Variants in ZNF780A observed in about 807,000 individuals in gnomAD.
ZNF780A encodes the protein zinc finger protein 780A.
A neutral mutation model predicts 56.7 loss-of-function variants in ZNF780A; 40 were observed. That is an observed-to-expected ratio of 0.71 (90% CI 0.55 to 0.92). ZNF780A has a LOEUF of 0.92. ZNF780A is among the 40% of genes least tolerant of loss of function. ZNF780A has a pLI of 0.00. For synonymous variants in ZNF780A, 231 were observed against 248.3 expected (o/e 0.93, Z 0.66); for missense variants, 672 against 783.3 (o/e 0.86, Z 1.70).
chr19:40,086,791 C>T (rs1335760255), intron 2 of ZNF780A, among the ~76,000 whole-genome samples: 1 of 152,100 alleles, frequency 6.6e-6, no homozygotes, highest in African/African-American at 2.4e-5. Context: ...CAACCTCAGC[C>T]TCCCAGGTTC....
At chr19:40,086,714 G>C (rs1974816763) in intron 2 of ZNF780A, among the ~76,000 whole-genome samples, 2 of 151,696 alleles carry the variant, frequency 1.3e-5, no homozygotes, top group African/African-American at 2.4e-5. Context: ...TTTCTTTTTG[G>C]GGGGCAGGGG....
In ZNF780A at chr19:40,081,829, T is replaced by C. The variant is rs755471566; in HGVS notation, c.222A>G (p.Arg74=). ...PWMVVRKETS[R]RYPDLELKYG... Reference sequence around the variant, plus strand: ...TTTACCCTCACTTACCTGGATACCGTCTGCTTGTTTCTTTCCTTACAACCA... The same window carrying C: ...TTTACCCTCACTTACCTGGATACCGCCTGCTTGTTTCTTTCCTTACAACCA... The change falls in exon 5 of 6, where the codon AGA becomes AGG. Residue 74 remains arginine (R), a synonymous_variant. Transcript: ENST00000683561. 1.2e-6 allele frequency: 2 copies of C among 1,612,458 alleles called. No homozygotes were observed. Among genetic ancestry groups the C allele is most frequent in the Non-Finnish European group, 1.7e-6 (2 of 1,178,862 alleles).
downstream of ZNF780A, chr19:40,071,655 T>G (rs991080013): frequency 6.6e-6 from 1 of 152,268 alleles, no homozygotes; most frequent in Non-Finnish European, 1.5e-5. Flanking sequence ...AATGGACTTA[T>G]GGCGGTTACC....
At chr19:40,082,899 C>T (rs1226770648) in intron 4 of ZNF780A, among the ~76,000 whole-genome samples, 3 of 152,142 alleles carry the variant, frequency 2.0e-5, no homozygotes, top group African/African-American at 7.2e-5. Flanking sequence ...ACAGAGAGGA[C>T]CAGCGTAACG....
chr19:40,075,346 A>G lies in ZNF780A; in HGVS notation c.1096T>C (p.Cys366Arg). Residue 366 changes from cysteine (C) to arginine (R), a missense_variant, in exon 6 of 6, where the codon TGT becomes CGT. Physicochemically the swap from Cys to Arg is radical, Grantham distance 180. Coordinates refer to ENST00000683561, the MANE Select transcript of ZNF780A (RefSeq NM_001142578.2). ...TTGAGAAGACTAAAGGCCTTCCCAC[A>G]TTCCCTGCATTCAAAGGGTTTCTCA... The part of the protein sequence containing the change: ...TGEKPFECRE[C>R]GKAFSLLNQL... 10 of 1,614,080 alleles carry G rather than the reference A, an allele frequency of 6.2e-6. No individual in the cohort carries two copies. The highest frequency in any genetic ancestry group is 8.5e-6 in the Non-Finnish European group (10 of 1,180,004).
chr19:40,076,310 C>G, intron 5 of ZNF780A, 101 bp from the exon 6 acceptor site: 2 of 1,208,986 alleles, frequency 1.7e-6, no homozygotes, highest in Admixed American at 3.2e-5. Flanking sequence ...ACCAATAAAA[C>G]CTTTATTGAT....
chr19:40,086,659 CA>C (rs370131409), intron 2 of ZNF780A, among the ~76,000 whole-genome samples: 3 of 150,786 alleles, frequency 2.0e-5, no homozygotes, highest in African/African-American at 7.5e-5. Context: ...AATTCTTATA[CA>C]AAAACCCTAT....
At position 40,074,105 on chromosome 19, in the gene ZNF780A, T is replaced by A; in HGVS notation, c.*411A>T. On this transcript the variant is annotated 3_prime_UTR_variant, in exon 6 of 6. Coordinates refer to ENST00000683561, the MANE Select transcript of ZNF780A (RefSeq NM_001142578.2). ...TCCCACACTCCTTACATTCATAGAGTTTCTCACCAGTATGAATACTCTGAT... is the reference window on the plus strand; with the variant it reads ...TCCCACACTCCTTACATTCATAGAGATTCTCACCAGTATGAATACTCTGAT... The A allele has an allele frequency of 7.7e-7, 1 of 1,297,372 alleles. No individual in the cohort carries two copies. Among genetic ancestry groups the A allele is most frequent in the Non-Finnish European group, 1.0e-6 (1 of 1,001,844 alleles). The allele number at this position is 1,297,372 out of a possible 1,614,324, so 80.4% of individuals were successfully genotyped here. A position where few individuals can be genotyped will look rare whatever the true frequency, so the allele number is the denominator to read the frequency against.
chr19:40,078,521 G>C (rs184624901), intron 5 of ZNF780A, among the ~76,000 whole-genome samples: 37 of 152,206 alleles, frequency 2.4e-4, no homozygotes, highest in African/African-American at 8.7e-4. Flanking sequence ...CAAAGACAAA[G>C]AGAGAATACT....
intron 5 of ZNF780A, among the ~76,000 whole-genome samples, chr19:40,080,141 G>A (rs1030136282): frequency 6.6e-6 from 1 of 152,064 alleles, no homozygotes; most frequent in Non-Finnish European, 1.5e-5. Context: ...AATGAGTAAT[G>A]AGATTGAATT....
intron 2 of ZNF780A, among the ~76,000 whole-genome samples, chr19:40,087,435 C>A (rs1222752110): frequency 6.6e-6 from 1 of 152,190 alleles, no homozygotes; most frequent in Non-Finnish European, 1.5e-5. Context: ...AATGTTCTAT[C>A]TAGATCAATG....
At chr19:40,077,166 C>T (rs1375365052) in intron 5 of ZNF780A, among the ~76,000 whole-genome samples, 1 of 152,114 alleles carries the variant, frequency 6.6e-6, no homozygotes, top group Non-Finnish European at 1.5e-5. Context: ...ATCTGGACTG[C>T]CACTGCCACC....
intron 2 of ZNF780A, among the ~76,000 whole-genome samples, chr19:40,086,623 A>G (rs2144972206): frequency 6.6e-6 from 1 of 151,040 alleles, no homozygotes; most frequent in Admixed American, 6.5e-5. Context: ...ATTCTTATAG[A>G]ATGCCTTCAG....
intron 2 of ZNF780A, among the ~76,000 whole-genome samples, chr19:40,087,131 G>A (rs963027891): frequency 6.6e-6 from 1 of 151,908 alleles, no homozygotes; most frequent in East Asian, 1.9e-4. Context: ...TATCACTTGA[G>A]TCTAGTATGA....
In ZNF780A at chr19:40,085,434, G is replaced by A. The variant is rs997476047; in HGVS notation, c.-45-636C>T. ...AACAGAAAAATCAGGTTACAAAACA[G>A]GATAGATAATATGATTACATTTGTA... is the stretch of plus-strand genomic sequence containing the variant. On this transcript the variant is annotated intron_variant, in intron 2 of 5. Transcript: ENST00000683561. The A allele has an allele frequency of 4.2e-6, 3 of 710,790 alleles. No homozygotes were observed. In the Admixed American group the frequency reaches 1.9e-4, roughly 45 times the overall value. 44.0% of individuals were successfully genotyped at this position (710,790 alleles called of 1,614,324 possible).
At chr19:40,077,589 A>G (rs991677245) in intron 5 of ZNF780A, among the ~76,000 whole-genome samples, 12 of 152,114 alleles carry the variant, frequency 7.9e-5, no homozygotes, top group Non-Finnish European at 1.5e-4. Context: ...ACATTTCAAC[A>G]TGAGATTTAG....
intron 4 of ZNF780A, 150 bp downstream of exon 4, chr19:40,082,961 G>A: frequency 7.5e-7 from 1 of 1,336,174 alleles, no homozygotes; most frequent in South Asian, 1.3e-5. Context: ...GGAGGTGCCT[G>A]TTTTCAACCC....
intron 2 of ZNF780A, among the ~76,000 whole-genome samples, chr19:40,088,531 G>A (rs930502473): frequency 6.6e-6 from 1 of 152,164 alleles, no homozygotes; most frequent in African/African-American, 2.4e-5. Flanking sequence ...AAAGGGGAAC[G>A]CTTACACACT....
rs200594600 is a variant in ZNF780A at position 40,074,645 on chromosome 19, T to G, written c.1797A>C (p.Gln599His). The G allele has an allele frequency of 1.2e-6, 2 of 1,612,066 alleles. No individual in the cohort carries two copies. Among genetic ancestry groups the G allele is most frequent in the Non-Finnish European group, 1.7e-6 (2 of 1,179,036 alleles). ...ECGKAFRLHM[Q>H]LIRHQKLHTG... ...TATGCAATTTCTGATGTCGAATAAG[T>G]TGCATATGAAGTCGAAAGGCTTTCC... Residue 599 changes from glutamine to histidine, a missense_variant, in exon 6 of 6, where the codon CAA (glutamine) becomes CAC (histidine). Gln to His is a conservative substitution (Grantham distance 24, BLOSUM62 0). Transcript: ENST00000683561.
Sources: allele counts gnomAD v4.1 joint callset (sites outside exome capture counted in the v4.1 genomes callset), GRCh38; gene constraint gnomAD v4.1.1; transcripts MANE v1.5; gene names NCBI Gene and HGNC (gene_info 2026-07-23, HGNC 2026-07-21).